Variants in MSRA observed in about 807,000 individuals in gnomAD.
The protein encoded by MSRA is mitochondrial peptide methionine sulfoxide reductase.
MSRA carries 54 observed loss-of-function variants against 31.3 expected under a neutral mutation model. The observed-to-expected ratio is 1.73, with a 90% confidence interval of 1.39 to 2.17. MSRA has a LOEUF of 2.17. Among genes scored for constraint, MSRA ranks in the 30% most tolerant of loss-of-function variants. The probability of loss-of-function intolerance (pLI) is 0.00; values close to 1 mark genes in which losing one functional copy is unlikely to be tolerated. For synonymous variants in MSRA, 169 were observed against 116.5 expected, an observed-to-expected ratio of 1.45 and a Z score of -2.90; for missense variants, 507 against 300.9, an observed-to-expected ratio of 1.69 and a Z score of -5.07.
intron 2 of MSRA, among the ~76,000 whole-genome samples, chr8:10,214,133 C>G (rs983895494): frequency 6.6e-6 from 1 of 152,108 alleles, no homozygotes; most frequent in East Asian, 1.9e-4. Flanking sequence ...AAAAGCCAAG[C>G]CGAGGACTTA....
At chr8:10,268,584 A>G (rs749092494) in intron 3 of MSRA, among the ~76,000 whole-genome samples, 8 of 152,226 alleles carry the variant, frequency 5.3e-5, no homozygotes, top group Non-Finnish European at 1.2e-4. Context: ...TAAGACCTCA[A>G]TAAGTTGCTG....
chr8:10,265,020 C>A (rs1022180237), intron 3 of MSRA, among the ~76,000 whole-genome samples: 4 of 152,118 alleles, frequency 2.6e-5, no homozygotes, highest in Non-Finnish European at 5.9e-5. Context: ...TAGGTCACAA[C>A]AGACTGAGGT....
Position 10,108,269 on chromosome 8 carries a change from C to T in MSRA, c.142+53611C>T, listed in dbSNP as rs978644695. 4.6e-5 allele frequency among the ~76,000 whole-genome samples: 7 copies of T among 152,302 alleles called. No individual in the cohort carries two copies. The South Asian group carries it at 1.5e-3, about 32-fold the overall frequency. ...TACCCATTGGTTCCATTTTCACTCA[C>T]AGGGCAAGATCCTTTCATGATTTCC... On this transcript the variant is annotated intron_variant, in intron 1 of 5. Coordinates refer to ENST00000317173, the MANE Select transcript of MSRA (RefSeq NM_012331.5).
intron 1 of MSRA, among the ~76,000 whole-genome samples, chr8:10,177,334 C>A (rs1266800285): frequency 1.3e-5 from 2 of 152,174 alleles, no homozygotes; most frequent in African/African-American, 2.4e-5. Context: ...ACTGACAACA[C>A]ACTGATGGAT....
chr8:10,085,468 C>T (rs1400368283), intron 1 of MSRA, among the ~76,000 whole-genome samples: 2 of 152,196 alleles, frequency 1.3e-5, no homozygotes, highest in Admixed American at 1.3e-4. Context: ...GTTTCTGCAA[C>T]TGGAAGAAGA....
intron 3 of MSRA, among the ~76,000 whole-genome samples, chr8:10,280,439 TAAA>T (rs1355019190): frequency 1.3e-5 from 2 of 152,224 alleles, no homozygotes; most frequent in African/African-American, 4.8e-5. Flanking sequence ...TAATTCATTT[TAAA>T]GATTTTAACA....
intron 3 of MSRA, chr8:10,250,674 T>A (rs1189263298): frequency 1.8e-6 from 1 of 565,440 alleles, no homozygotes; most frequent in Non-Finnish European, 3.1e-6. Context: ...AGTGTGGGAG[T>A]CCTCGTGTGA....
chr8:10,348,071 C>T (rs1390211726), intron 5 of MSRA, among the ~76,000 whole-genome samples: 1 of 152,094 alleles, frequency 6.6e-6, no homozygotes, highest in Non-Finnish European at 1.5e-5. Context: ...CTAGAATAAC[C>T]CTCACGTTAA....
At chr8:10,331,951 G>A (rs566511464) in intron 5 of MSRA, among the ~76,000 whole-genome samples, 5 of 152,146 alleles carry the variant, frequency 3.3e-5, no homozygotes, top group Non-Finnish European at 5.9e-5. Context: ...GCAAGGATAC[G>A]GAGGGCCGAC....
intron 1 of MSRA, among the ~76,000 whole-genome samples, chr8:10,077,089 T>C (rs755983965): frequency 1.3e-4 from 20 of 148,554 alleles, no homozygotes; most frequent in Admixed American, 2.7e-4. Context: ...CCTCCAAGTT[T>C]ATGTGGAAAA....
intron 1 of MSRA, among the ~76,000 whole-genome samples, chr8:10,072,825 C>T (rs921350535): frequency 3.3e-5 from 5 of 152,142 alleles, no homozygotes; most frequent in East Asian, 3.9e-4. Context: ...TTGCTATGTT[C>T]ATACCTAACC....
intron 1 of MSRA, among the ~76,000 whole-genome samples, chr8:10,136,463 C>T (rs559236455): frequency 7.2e-5 from 11 of 152,290 alleles, no homozygotes; most frequent in East Asian, 1.9e-4. Context: ...AGTCCCAGCT[C>T]GGGAGCCCAC....
chr8:10,371,963 G>A (rs576504401), intron 5 of MSRA, among the ~76,000 whole-genome samples: 2 of 151,848 alleles, frequency 1.3e-5, no homozygotes, highest in Non-Finnish European at 2.9e-5. Flanking sequence ...GGAAGGAGAA[G>A]TCTTATCATC....
chr8:10,265,399 G>A (rs1474492245), intron 3 of MSRA, among the ~76,000 whole-genome samples: 1 of 152,134 alleles, frequency 6.6e-6, no homozygotes, highest in Non-Finnish European at 1.5e-5. Context: ...ACAAAGTGTG[G>A]TGGCTGCTGG....
chr8:10,132,919 A>G (rs1270975030), intron 1 of MSRA, among the ~76,000 whole-genome samples: 1 of 152,234 alleles, frequency 6.6e-6, no homozygotes, highest in Non-Finnish European at 1.5e-5. Flanking sequence ...GCATACTGAC[A>G]CTTGGGCTAG....
chr8:10,076,118 C>T (rs1563403465), intron 1 of MSRA, among the ~76,000 whole-genome samples: 1 of 152,192 alleles, frequency 6.6e-6, no homozygotes, highest in Non-Finnish European at 1.5e-5. Flanking sequence ...GATAAATTTG[C>T]CTCAGTTTTC....
At chr8:10,205,296 G>GA (rs1031166260) in intron 1 of MSRA, among the ~76,000 whole-genome samples, 5 of 152,088 alleles carry the variant, frequency 3.3e-5, no homozygotes, top group Admixed American at 3.3e-4. Flanking sequence ...CTTCGGTAAT[G>GA]AAAAAAAGAA....
intron 1 of MSRA, among the ~76,000 whole-genome samples, chr8:10,078,614 G>A (rs1276044798): frequency 1.3e-5 from 2 of 152,224 alleles, no homozygotes; most frequent in African/African-American, 4.8e-5. Context: ...CAGCTGCCAC[G>A]GTGCTGCACC....
intron 5 of MSRA, among the ~76,000 whole-genome samples, chr8:10,344,339 A>G (rs769702979): frequency 2.0e-5 from 3 of 151,906 alleles, no homozygotes; most frequent in Non-Finnish European, 2.9e-5. Context: ...AGCCATTTCC[A>G]CCGAGGCAGG....
Sources: gnomAD v4.1 joint callset for allele counts (sites outside exome capture counted in the v4.1 genomes callset) on GRCh38, gnomAD v4.1.1 for gene constraint, MANE v1.5 for transcripts, NCBI Gene and HGNC (gene_info 2026-07-23, HGNC 2026-07-21) for gene names.